PI4K2B: variants seen among roughly 807,000 people sequenced by gnomAD.
PI4K2B encodes phosphatidylinositol 4-kinase type 2 beta.
PI4K2B carries 46 observed loss-of-function variants against 56.6 expected under a neutral mutation model. That is an observed-to-expected ratio of 0.81 (90% CI 0.64 to 1.04). The LOEUF (loss-of-function observed/expected upper bound fraction) is 1.04, where lower values mean the gene tolerates loss of function less well. PI4K2B is among the 50% of genes least tolerant of loss of function. PI4K2B has a pLI of 0.00. For missense variants in PI4K2B, 556 were observed against 607.7 expected (o/e 0.91, Z 0.89); for synonymous variants, 211 against 223.8 (o/e 0.94, Z 0.51).
rs866579928 is a variant in PI4K2B at position 25,268,376 on chromosome 4, C to T, written c.1079-67C>T. ...GAACCTAGGAGTTGTAGGAAAGAACCGGGAAAAATGTAAGTCTAAATAAAC... is the reference window on the plus strand; with the variant it reads ...GAACCTAGGAGTTGTAGGAAAGAACTGGGAAAAATGTAAGTCTAAATAAAC... On this transcript the variant is annotated intron_variant, in intron 7 of 9. Transcript: ENST00000264864. 36 of 1,340,696 alleles carry T rather than the reference C, an allele frequency of 2.7e-5. No individual in the cohort carries two copies. In the Middle Eastern group the frequency reaches 7.6e-4, roughly 28 times the overall value. 83.0% of individuals were successfully genotyped at this position (1,340,696 alleles called of 1,614,324 possible).
At chr4:25,256,184 T>C (rs1446911753) in intron 3 of PI4K2B, among the ~76,000 whole-genome samples, 2 of 152,210 alleles carry the variant, frequency 1.3e-5, no homozygotes, top group African/African-American at 4.8e-5. Context: ...CCCCAGAGTG[T>C]TGGGATTACA....
In PI4K2B at chr4:25,234,217, G is replaced by A; in HGVS notation, c.54G>A (p.Pro18=). Residue 18 remains proline (P), a synonymous_variant, in exon 1 of 10, where the codon CCG becomes CCA. Transcript: ENST00000264864. ...DRLASADGGS[P]EEEEDGEREP... is the part of the protein sequence containing the mutation. ...TGGCGTCCGCGGACGGCGGGAGCCC[G>A]GAGGAGGAGGAGGATGGGGAGCGGG... 7.2e-6 allele frequency: 10 copies of A among 1,388,184 alleles called. No homozygotes were observed. The Middle Eastern group carries it at 8.9e-4, about 123-fold the overall frequency. 86.0% of individuals were successfully genotyped at this position (1,388,184 alleles called of 1,614,324 possible). A position where few individuals can be genotyped will look rare whatever the true frequency, so the allele number is the denominator to read the frequency against.
intron 6 of PI4K2B, among the ~76,000 whole-genome samples, chr4:25,263,514 A>G (rs1716552633): frequency 6.6e-6 from 1 of 152,146 alleles, no homozygotes; most frequent in South Asian, 2.1e-4. Context: ...ACTTGAAACC[A>G]TTACTGAGTA....
intron 9 of PI4K2B, among the ~76,000 whole-genome samples, chr4:25,273,886 C>T (rs1449691870): frequency 2.0e-5 from 3 of 152,210 alleles, no homozygotes; most frequent in African/African-American, 4.8e-5. Context: ...TATCTCTTGC[C>T]GTTTTGCCCC....
At chr4:25,235,460 G>A (rs1373433007) in intron 1 of PI4K2B, among the ~76,000 whole-genome samples, 2 of 152,082 alleles carry the variant, frequency 1.3e-5, no homozygotes, top group African/African-American at 4.8e-5. Flanking sequence ...GGATAGAATC[G>A]GTCACTCAAG....
chr4:25,266,116 T>C (rs1716655720), intron 7 of PI4K2B, among the ~76,000 whole-genome samples: 1 of 152,140 alleles, frequency 6.6e-6, no homozygotes, highest in African/African-American at 2.4e-5. Flanking sequence ...TCTGTAACAT[T>C]GTTATACCTC....
intron 8 of PI4K2B, among the ~76,000 whole-genome samples, 159 bp from the exon 9 acceptor site, chr4:25,268,985 T>C (rs934208519): frequency 7.2e-5 from 11 of 152,226 alleles, no homozygotes; most frequent in African/African-American, 2.7e-4. Flanking sequence ...TCTGGGAGTA[T>C]ACAAAAATAC....
chr4:25,256,719 T>C, intron 4 of PI4K2B, 45 bp downstream of exon 4: 1 of 1,575,748 alleles, frequency 6.3e-7, no homozygotes, highest in South Asian at 1.1e-5. Context: ...TTTGGGCACA[T>C]ACATCCTGAG....
At position 25,256,638 on chromosome 4, in the gene PI4K2B, G is replaced by A. The variant is rs764121455; in HGVS notation, c.720G>A (p.Val240=). 6.2e-7 allele frequency: 1 copy of A among 1,613,736 alleles called. No homozygotes were observed. Among genetic ancestry groups the A allele is most frequent in the East Asian group, 2.2e-5 (1 of 44,810 alleles). Residue 240 remains valine, a synonymous_variant, in exon 4 of 10, where the codon GTG becomes GTA. Transcript: ENST00000264864. ...ATGCTTTAGAAAAAGTGCCAAAAGT[G>A]GGTAGAAAGTTTCATAGGATAGGAC... ...KKYALEKVPK[V]GRKFHRIGLP... is the part of the protein sequence containing the mutation.
intron 1 of PI4K2B, among the ~76,000 whole-genome samples, chr4:25,237,368 G>C (rs1427459511): frequency 6.6e-6 from 1 of 151,632 alleles, no homozygotes; most frequent in Non-Finnish European, 1.5e-5. Context: ...TTTGGCAGTG[G>C]GTGGCTGTAG....
intron 1 of PI4K2B, 38 bp downstream of exon 1, chr4:25,234,469 G>A: frequency 8.1e-7 from 1 of 1,242,112 alleles, no homozygotes; most frequent in Non-Finnish European, 1.0e-6. Context: ...GCGCCCCTCC[G>A]GGCGGCTGCC....
chr4:25,240,476 A>G (rs1715468739), intron 1 of PI4K2B, among the ~76,000 whole-genome samples: 1 of 152,100 alleles, frequency 6.6e-6, no homozygotes, highest in African/African-American at 2.4e-5. Context: ...GCCATTCCTA[A>G]CCCTATAAGT....
rs1715131332 is a variant in PI4K2B at position 25,234,214 on chromosome 4, C to A, written c.51C>A (p.Ser17Arg). The change falls in exon 1 of 10, where the codon AGC (serine) becomes AGA (arginine). Residue 17 changes from serine (S) to arginine (R), a missense_variant. By Grantham distance (110) the Ser-to-Arg change is moderately radical. Coordinates refer to ENST00000264864, the MANE Select transcript of PI4K2B (RefSeq NM_018323.4). ...GGTTGGCGTCCGCGGACGGCGGGAGCCCGGAGGAGGAGGAGGATGGGGAGC... is the reference window on the plus strand; with the variant it reads ...GGTTGGCGTCCGCGGACGGCGGGAGACCGGAGGAGGAGGAGGATGGGGAGC... ...PDRLASADGG[S>R]PEEEEDGERE... 2 of 1,414,518 alleles carry A rather than the reference C, an allele frequency of 1.4e-6. No individual in the cohort carries two copies. Among genetic ancestry groups the A allele is most frequent in the South Asian group, 1.5e-5 (1 of 67,182 alleles). The allele number at this position is 1,414,518 out of a possible 1,614,324, so 87.6% of individuals were successfully genotyped here.
At chr4:25,250,088 G>A (rs943599664) in intron 1 of PI4K2B, among the ~76,000 whole-genome samples, 19 of 152,168 alleles carry the variant, frequency 1.2e-4, no homozygotes, top group African/African-American at 3.6e-4. Flanking sequence ...GCGTGGCAGC[G>A]CGCGCCTGCA....
In PI4K2B at chr4:25,234,090, C is replaced by A; in HGVS notation, c.-74C>A. ...GTTCTACCCGGTCGCTCCCGTTCCG[C>A]GCCATGCAGAGCCCAGTCTCTGGCA... On this transcript the variant is annotated 5_prime_UTR_variant, in exon 1 of 10. Coordinates refer to ENST00000264864, the MANE Select transcript of PI4K2B (RefSeq NM_018323.4). 1 of 1,190,146 alleles carries A rather than the reference C, an allele frequency of 8.4e-7. No individual in the cohort carries two copies. Among genetic ancestry groups the A allele is most frequent in the Non-Finnish European group, 1.1e-6 (1 of 946,052 alleles). 73.7% of individuals were successfully genotyped at this position (1,190,146 alleles called of 1,614,324 possible).
At chr4:25,248,142 G>A (rs1715874526) in intron 1 of PI4K2B, among the ~76,000 whole-genome samples, 1 of 152,170 alleles carries the variant, frequency 6.6e-6, no homozygotes, top group Non-Finnish European at 1.5e-5. Flanking sequence ...ATGAAAACTT[G>A]ATAAGTTACA....
At position 25,278,960 on chromosome 4, in the gene PI4K2B, G is replaced by A. The variant is rs1717205210; in HGVS notation, c.*1773G>A. ...AGTTAAGATATAACCACAAGTCAGAGTACATTGGTTGTATTTTGTAAACTT... is the reference window on the plus strand; with the variant it reads ...AGTTAAGATATAACCACAAGTCAGAATACATTGGTTGTATTTTGTAAACTT... On this transcript the variant is annotated 3_prime_UTR_variant, in exon 10 of 10. Transcript: ENST00000264864. 1 of 152,406 alleles carries A rather than the reference G, an allele frequency of 6.6e-6. No homozygotes were observed. Among genetic ancestry groups the A allele is most frequent in the Non-Finnish European group, 1.5e-5 (1 of 67,996 alleles). 9.4% of individuals were successfully genotyped at this position (152,406 alleles called of 1,614,324 possible). A position where few individuals can be genotyped will look rare whatever the true frequency, so the allele number is the denominator to read the frequency against.
At chr4:25,276,799 TTG>T (rs200843512) in intron 9 of PI4K2B, 883 of 944,628 alleles carry the variant, frequency 9.3e-4, no homozygotes, top group Middle Eastern at 1.6e-3. Flanking sequence ...TTAATGCTAA[TTG>T]TGTGTGTGTG....
At chr4:25,260,419 C>T (rs1304662156) in intron 5 of PI4K2B, 105 bp from the exon 6 acceptor site, 2 of 462,070 alleles carry the variant, frequency 4.3e-6, no homozygotes, top group Admixed American at 6.6e-5. Flanking sequence ...TACAGATAAC[C>T]AGTGAAAGTC....
Sources: allele counts gnomAD v4.1 joint callset (sites outside exome capture counted in the v4.1 genomes callset), GRCh38; gene constraint gnomAD v4.1.1; transcripts MANE v1.5; gene names NCBI Gene and HGNC (gene_info 2026-07-23, HGNC 2026-07-21).